NHEJ1: variants seen among roughly 807,000 people sequenced by gnomAD.
The protein encoded by NHEJ1 is non-homologous end joining factor 1, also known as non-homologous end-joining factor 1.
A neutral mutation model predicts 39.4 loss-of-function variants in NHEJ1; 22 were observed. That is an observed-to-expected ratio of 0.56 (90% CI 0.40 to 0.80). The LOEUF (loss-of-function observed/expected upper bound fraction) is 0.80, where lower values mean the gene tolerates loss of function less well. NHEJ1 is among the 30% of genes least tolerant of loss of function. The pLI, the probability that NHEJ1 is intolerant of heterozygous loss-of-function variation, is 0.00. For synonymous variants in NHEJ1, 154 were observed against 135.6 expected, an observed-to-expected ratio of 1.14 and a Z score of -0.94; for missense variants, 329 against 357.1, an observed-to-expected ratio of 0.92 and a Z score of 0.63.
intron 3 of NHEJ1, among the ~76,000 whole-genome samples, chr2:219,152,789 T>TCTTATTTATTTATTTATTTA (rs1553548970): frequency 1.1e-5 from 1 of 87,736 alleles, no homozygotes; most frequent in South Asian, 4.2e-4. Flanking sequence ...ATTTATTTAT[T>TCTTATTTATTTATTTATTTA]TTTATTTATT....
At chr2:219,097,491 G>A (rs190847992) in intron 5 of NHEJ1, among the ~76,000 whole-genome samples, 1 of 152,254 alleles carries the variant, frequency 6.6e-6, no homozygotes, top group East Asian at 1.9e-4. Flanking sequence ...TTGCTATATT[G>A]TCCATGCTGG....
chr2:219,152,491 A>T (rs1009453605), intron 3 of NHEJ1, among the ~76,000 whole-genome samples: 4 of 152,086 alleles, frequency 2.6e-5, no homozygotes, highest in Non-Finnish European at 4.4e-5. Flanking sequence ...TCATATCAGG[A>T]GATCCAGTGA....
chr2:219,159,556 TATATATGC>T (rs145576348), intron 1 of NHEJ1, among the ~76,000 whole-genome samples: 591 of 16,542 alleles, frequency 0.036, 86 homozygotes, highest in Non-Finnish European at 0.081. Context: ...TATATGCATA[TATATATGC>T]ATATATATAT....
chr2:219,081,856 G>A (rs1361939645), intron 5 of NHEJ1, among the ~76,000 whole-genome samples: 1 of 152,240 alleles, frequency 6.6e-6, no homozygotes, highest in Non-Finnish European at 1.5e-5. Flanking sequence ...TGTGCTGGAA[G>A]TAAGTGAAGC....
intron 4 of NHEJ1, 58 bp from the exon 5 acceptor site, chr2:219,146,796 C>A (rs934182935): frequency 3.7e-6 from 5 of 1,340,550 alleles, no homozygotes; most frequent in Admixed American, 1.7e-5. Context: ...AGTTTCTTAC[C>A]TGATGGAAAG....
intron 3 of NHEJ1, among the ~76,000 whole-genome samples, chr2:219,155,055 T>C (rs1194261334): frequency 6.6e-6 from 1 of 150,820 alleles, no homozygotes; most frequent in Non-Finnish European, 1.5e-5. Context: ...ACTGTATTCT[T>C]TTGAAAGAAG....
intron 5 of NHEJ1, among the ~76,000 whole-genome samples, chr2:219,131,527 G>A (rs1013846226): frequency 6.6e-6 from 1 of 152,210 alleles, no homozygotes; most frequent in African/African-American, 2.4e-5. Flanking sequence ...AATAGCTTCA[G>A]GGGGTAGTTT....
rs535427291 is a variant in NHEJ1, at chr2:219,143,172, GGTTT to G, written c.588+3504_588+3507del. Reference sequence around the variant, plus strand: ...CGCCTTCATCTTGAGCTCTCTCCCTGGTTTGTTTATCTTCCTATTCCATCTTGCT... The same window carrying G: ...CGCCTTCATCTTGAGCTCTCTCCCTGGTTTATCTTCCTATTCCATCTTGCT... On this transcript the variant is annotated intron_variant, in intron 5 of 7. Transcript: ENST00000356853. 7.6e-3 allele frequency among the ~76,000 whole-genome samples: 1,153 copies of G among 152,128 alleles called. 12 individuals are homozygous for G. Among genetic ancestry groups the G allele is most frequent in the Non-Finnish European group, 8.8e-3 (598 of 68,012 alleles).
At chr2:219,120,349 T>C (rs1271145222) in intron 5 of NHEJ1, among the ~76,000 whole-genome samples, 1 of 152,218 alleles carries the variant, frequency 6.6e-6, no homozygotes, top group East Asian at 1.9e-4. Context: ...TAAGGTAGTG[T>C]AGCAATTTCT....
intron 1 of NHEJ1, chr2:219,159,308 T>G (rs1949887789): frequency 6.6e-6 from 1 of 151,934 alleles, no homozygotes; most frequent in Non-Finnish European, 1.5e-5. Flanking sequence ...TACGGCTGCT[T>G]GACAGAGAAT....
rs1949012317 is a variant in NHEJ1, at chr2:219,076,258, C to G, written c.*123G>C. 3 of 1,576,706 alleles carry G rather than the reference C, an allele frequency of 1.9e-6. No homozygotes were observed. The South Asian group carries it at 3.5e-5, about 18-fold the overall frequency. On this transcript the variant is annotated 3_prime_UTR_variant, in exon 8 of 8. Coordinates refer to ENST00000356853, the MANE Select transcript of NHEJ1 (RefSeq NM_024782.3). Reference sequence around the variant, plus strand: ...TCAACATCAACTTCAGTTCTCTCGCCCTTACAGGAGGCCTCTGACTGTATC... The same window carrying G: ...TCAACATCAACTTCAGTTCTCTCGCGCTTACAGGAGGCCTCTGACTGTATC...
At chr2:219,108,516 C>T (rs1187740502) in intron 5 of NHEJ1, among the ~76,000 whole-genome samples, 1 of 147,358 alleles carries the variant, frequency 6.8e-6, no homozygotes, top group African/African-American at 2.7e-5. Context: ...ATTTGTGTTA[C>T]TACTCTAGTC....
At chr2:219,128,122 G>A (rs563384223) in intron 5 of NHEJ1, among the ~76,000 whole-genome samples, 4 of 152,326 alleles carry the variant, frequency 2.6e-5, no homozygotes, top group South Asian at 4.1e-4. Context: ...TTCAAAGTAT[G>A]ATCAGCAAAC....
At position 219,147,713 on chromosome 2, in the gene NHEJ1, T is replaced by A. The variant is rs751006580; in HGVS notation, c.473A>T (p.His158Leu). 4 of 1,614,230 alleles carry A rather than the reference T, an allele frequency of 2.5e-6. No homozygotes were observed. Among genetic ancestry groups the A allele is most frequent in the Non-Finnish European group, 3.4e-6 (4 of 1,180,026 alleles). Reference protein sequence around the residue: ...CQVRELATLLHMKDLEIQDYQ... With the variant: ...CQVRELATLLLMKDLEIQDYQ... Reference sequence around the variant, plus strand: ...GTCTTGGATCTCTAGGTCTTTCATATGAAGTAACGTTGCTAGCTCCCTCAC... The same window carrying A: ...GTCTTGGATCTCTAGGTCTTTCATAAGAAGTAACGTTGCTAGCTCCCTCAC... The change falls in exon 4 of 8, where the codon CAT becomes CTT. Residue 158 changes from histidine (H) to leucine (L), a missense_variant. Transcript: ENST00000356853.
At chr2:219,082,298 C>A (rs765219254) in intron 5 of NHEJ1, among the ~76,000 whole-genome samples, 11 of 152,212 alleles carry the variant, frequency 7.2e-5, no homozygotes, top group Non-Finnish European at 1.6e-4. Flanking sequence ...CCCTGTAGGG[C>A]ATTTTATTTC....
At chr2:219,098,390 AGAG>A (rs1949227349) in intron 5 of NHEJ1, among the ~76,000 whole-genome samples, 1 of 152,196 alleles carries the variant, frequency 6.6e-6, no homozygotes, top group East Asian at 1.9e-4. Context: ...AAACTTAGGG[AGAG>A]GAGAATTACC....
chr2:219,141,463 T>C (rs1268117040), intron 5 of NHEJ1, among the ~76,000 whole-genome samples: 4 of 151,082 alleles, frequency 2.6e-5, no homozygotes, highest in Middle Eastern at 3.4e-3. Flanking sequence ...ATAGAGAAGA[T>C]AGGCAGATTC....
chr2:219,111,673 A>G lies in NHEJ1; in HGVS notation c.589-33467T>C, dbSNP rs974937444. Among the ~76,000 whole-genome samples the G allele has an allele frequency of 1.3e-5, 2 of 152,058 alleles. No individual in the cohort carries two copies. The highest frequency in any genetic ancestry group is 6.6e-5 in the Admixed American group (1 of 15,258). ...CACACACACACACACAGAGAGATACATACAGTCAGTGGGAAAGAAGGGGAA... is the reference window on the plus strand; with the variant it reads ...CACACACACACACACAGAGAGATACGTACAGTCAGTGGGAAAGAAGGGGAA... On this transcript the variant is annotated intron_variant, in intron 5 of 7. Coordinates refer to ENST00000356853, the MANE Select transcript of NHEJ1 (RefSeq NM_024782.3). The surrounding 1 kb of genome is among the most constrained non-coding windows in gnomAD (Gnocchi z 4.1).
chr2:219,121,058 T>C (rs2106344984), intron 5 of NHEJ1, among the ~76,000 whole-genome samples: 1 of 152,108 alleles, frequency 6.6e-6, no homozygotes, highest in Non-Finnish European at 1.5e-5. Context: ...TAGCCAGGCA[T>C]GGTGGTGCAT....
Sources: gnomAD v4.1 joint callset for allele counts (sites outside exome capture counted in the v4.1 genomes callset) on GRCh38, gnomAD v4.1.1 for gene constraint, Gnocchi (gnomAD v3.1) non-coding constraint, MANE v1.5 for transcripts, NCBI Gene and HGNC (gene_info 2026-07-23, HGNC 2026-07-21) for gene names.